TBC1D5: variants seen among roughly 807,000 people sequenced by gnomAD.
The protein encoded by TBC1D5 is TBC1 domain family member 5.
Under a neutral mutation model 100.3 loss-of-function variants are expected in TBC1D5, and 75 were observed. The observed-to-expected ratio is 0.75, with a 90% CI of 0.62 to 0.91. The LOEUF is 0.91. TBC1D5 is among the 40% of genes least tolerant of loss of function. The probability of loss-of-function intolerance (pLI) is 0.00; values close to 1 mark genes in which losing one functional copy is unlikely to be tolerated. For synonymous variants in TBC1D5, 323 were observed against 325.6 expected (o/e 0.99, Z 0.09); for missense variants, 910 against 942.4 (o/e 0.97, Z 0.45).
At chr3:17,372,115 G>A in exon 13 of TBC1D5, 1 of 1,613,498 alleles carries the variant, frequency 6.2e-7, no homozygotes, top group Non-Finnish European at 8.5e-7. Flanking sequence ...CTGTTCAAGT[G>A]CATGTAAAGC....
chr3:17,223,969 ATTAAAT>A (rs1438730281), intron 17 of TBC1D5, among the ~76,000 whole-genome samples: 1 of 152,172 alleles, frequency 6.6e-6, no homozygotes, highest in East Asian at 1.9e-4. Context: ...AATATATATA[ATTAAAT>A]TTAAATTTCT....
At chr3:17,692,916 A>G (rs746188034) in intron 1 of TBC1D5, among the ~76,000 whole-genome samples, 21 of 152,180 alleles carry the variant, frequency 1.4e-4, no homozygotes, top group Non-Finnish European at 2.8e-4. Context: ...GATCACTTGA[A>G]CCCAAGAGTT....
At chr3:17,661,009 A>C (rs2066589659) in intron 1 of TBC1D5, among the ~76,000 whole-genome samples, 1 of 152,210 alleles carries the variant, frequency 6.6e-6, no homozygotes, top group Non-Finnish European at 1.5e-5. Context: ...AATCTACATG[A>C]CCACTTAATA....
intron 2 of TBC1D5, among the ~76,000 whole-genome samples, chr3:17,601,659 T>G (rs192162114): frequency 6.6e-6 from 1 of 152,254 alleles, no homozygotes. Context: ...TATCCTAGAC[T>G]CCACTTTTTG....
intron 1 of TBC1D5, among the ~76,000 whole-genome samples, chr3:17,715,949 G>A (rs1285362789): frequency 6.6e-6 from 1 of 152,162 alleles, no homozygotes; most frequent in Middle Eastern, 3.2e-3. Context: ...TTACTCAAGA[G>A]GCTGAGGCTG....
chr3:17,728,422 A>G (rs1403321011), intron 1 of TBC1D5, among the ~76,000 whole-genome samples: 1 of 152,234 alleles, frequency 6.6e-6, no homozygotes, highest in African/African-American at 2.4e-5. Context: ...TAAACATGTG[A>G]GACCAACCAA....
At chr3:17,289,211 C>T (rs1031377867) in intron 15 of TBC1D5, among the ~76,000 whole-genome samples, 7 of 152,184 alleles carry the variant, frequency 4.6e-5, no homozygotes, top group Admixed American at 2.6e-4. Flanking sequence ...CTCGCTTGCC[C>T]ATGCACCCCC....
At chr3:17,423,684 CAT>C (rs139038948) in intron 4 of TBC1D5, among the ~76,000 whole-genome samples, 9,209 of 151,698 alleles carry the variant, frequency 0.061, 539 homozygotes, top group African/African-American at 0.15. Context: ...TAAATAATGT[CAT>C]GTGAAATTAA....
At chr3:17,596,845 A>C (rs1423753416) in intron 2 of TBC1D5, among the ~76,000 whole-genome samples, 1 of 152,144 alleles carries the variant, frequency 6.6e-6, no homozygotes, top group Non-Finnish European at 1.5e-5. Flanking sequence ...ATCACTCAAA[A>C]TATTAAAAGG....
intron 17 of TBC1D5, among the ~76,000 whole-genome samples, chr3:17,234,726 T>C (rs1196939289): frequency 1.3e-5 from 2 of 152,188 alleles, no homozygotes; most frequent in Admixed American, 1.3e-4. Context: ...TTAATTGACT[T>C]GTTTCCCCTT....
At chr3:17,167,291 T>C (rs150845596) in intron 20 of TBC1D5, among the ~76,000 whole-genome samples, 35 of 152,340 alleles carry the variant, frequency 2.3e-4, no homozygotes, top group Admixed American at 9.1e-4. Context: ...GTTCACAGCA[T>C]AGGTAGGCAT....
chr3:17,252,987 C>A (rs2077302696), intron 16 of TBC1D5, among the ~76,000 whole-genome samples: 1 of 152,176 alleles, frequency 6.6e-6, no homozygotes, highest in Non-Finnish European at 1.5e-5. Context: ...TTAGAATCAT[C>A]ATATTCCCAG....
At chr3:17,482,418 T>C (rs916846296) in intron 3 of TBC1D5, among the ~76,000 whole-genome samples, 2 of 152,220 alleles carry the variant, frequency 1.3e-5, no homozygotes, top group African/African-American at 4.8e-5. Flanking sequence ...TCAAGAAATG[T>C]TGAAAGAGAA....
At chr3:17,477,008 C>T (rs192076699) in intron 3 of TBC1D5, among the ~76,000 whole-genome samples, 20 of 151,914 alleles carry the variant, frequency 1.3e-4, no homozygotes, top group Admixed American at 1.0e-3. Context: ...AAACTTTTAA[C>T]ATTTTACATT....
chr3:17,325,435 G>A (rs1485348658), intron 13 of TBC1D5, among the ~76,000 whole-genome samples: 1 of 150,356 alleles, frequency 6.7e-6, no homozygotes, highest in Non-Finnish European at 1.5e-5. Flanking sequence ...CGATTCACCT[G>A]CCTCAGCCTG....
chr3:17,653,523 G>A (rs768348520), intron 1 of TBC1D5, among the ~76,000 whole-genome samples: 1 of 151,978 alleles, frequency 6.6e-6, no homozygotes, highest in Non-Finnish European at 1.5e-5. Context: ...CTATCCAAAA[G>A]TCTGAAGGTC....
At chr3:17,192,363 T>TA (rs75783515) in intron 18 of TBC1D5, among the ~76,000 whole-genome samples, 1,461 of 141,238 alleles carry the variant, frequency 0.01, 12 homozygotes, top group East Asian at 0.016. Flanking sequence ...AAATAAATTG[T>TA]AAAAAAAAAA....
At chr3:17,717,782 AAT>A (rs2075359580) in intron 1 of TBC1D5, among the ~76,000 whole-genome samples, 1 of 152,226 alleles carries the variant, frequency 6.6e-6, no homozygotes, top group Admixed American at 6.5e-5. Context: ...CACTCTAAGG[AAT>A]ATATTTTATA....
intron 1 of TBC1D5, among the ~76,000 whole-genome samples, chr3:17,631,603 G>C (rs761284701): frequency 3.3e-5 from 5 of 152,300 alleles, no homozygotes; most frequent in Non-Finnish European, 5.9e-5. Flanking sequence ...AGATTCAAAG[G>C]ACAGGTTGAC....
Sources: gnomAD v4.1 joint callset for allele counts (sites outside exome capture counted in the v4.1 genomes callset) on GRCh38, gnomAD v4.1.1 for gene constraint, MANE v1.5 for transcripts, NCBI Gene and HGNC (gene_info 2026-07-23, HGNC 2026-07-21) for gene names.